Variants in CPNE4 observed in about 807,000 individuals in gnomAD.
CPNE4 encodes the protein copine 4.
Under a neutral mutation model 67.9 loss-of-function variants are expected in CPNE4, and 25 were observed. That is an observed-to-expected ratio of 0.37 (90% CI 0.27 to 0.51). The LOEUF (loss-of-function observed/expected upper bound fraction) is 0.51, where lower values mean the gene tolerates loss of function less well. Among genes scored for constraint, CPNE4 ranks in the 20% least tolerant of loss-of-function variants. The pLI is 0.93. For synonymous variants in CPNE4, 242 were observed against 244.9 expected (o/e 0.99, Z 0.11); for missense variants, 464 against 690.8 (o/e 0.67, Z 3.68).
At chr3:131,779,316 G>T (rs555765020) in intron 2 of CPNE4, among the ~76,000 whole-genome samples, 19 of 151,980 alleles carry the variant, frequency 1.3e-4, no homozygotes, top group African/African-American at 4.1e-4. Flanking sequence ...ATTTTTCACA[G>T]AATTAGATTT....
chr3:131,727,615 T>C (rs1185148868), intron 2 of CPNE4, among the ~76,000 whole-genome samples: 1 of 152,222 alleles, frequency 6.6e-6, no homozygotes, highest in Non-Finnish European at 1.5e-5. Flanking sequence ...CACATCTATT[T>C]AAAGTATATA....
At chr3:131,863,919 C>A (rs1456508887) in intron 2 of CPNE4, among the ~76,000 whole-genome samples, 2 of 152,200 alleles carry the variant, frequency 1.3e-5, no homozygotes, top group Admixed American at 6.5e-5. Flanking sequence ...CAGCTTTCTA[C>A]ATATAGCTAG....
Position 131,972,832 on chromosome 3 carries a change from A to T in CPNE4, c.-2+61735T>A, listed in dbSNP as rs1329682266. Among the ~76,000 whole-genome samples, 4 of 152,310 alleles carry T rather than the reference A, an allele frequency of 2.6e-5. No homozygotes were observed. In the East Asian group the frequency reaches 7.7e-4, roughly 29 times the overall value. On this transcript the variant is annotated intron_variant, in intron 1 of 15. Coordinates refer to ENST00000429747, the MANE Select transcript of CPNE4 (RefSeq NM_130808.3). ...CCTCCATAAATGGGAAGGCTGGACC[A>T]GATGTTCCCAGTGAACTTATCTCAG...
At chr3:131,556,534 G>A (rs1366080145) in intron 11 of CPNE4, among the ~76,000 whole-genome samples, 1 of 151,978 alleles carries the variant, frequency 6.6e-6, no homozygotes, top group African/African-American at 2.4e-5. Flanking sequence ...AAGAGACCCT[G>A]TCTTTGGTAT....
At chr3:131,889,283 A>T (rs1709292422) in intron 2 of CPNE4, among the ~76,000 whole-genome samples, 1 of 152,214 alleles carries the variant, frequency 6.6e-6, no homozygotes, top group South Asian at 2.1e-4. Flanking sequence ...CAGGGCTTAT[A>T]GCATCAGCCC....
chr3:131,935,749 T>C (rs7653254), intron 1 of CPNE4, among the ~76,000 whole-genome samples: 25,253 of 151,764 alleles, frequency 0.17, 2,491 homozygotes, highest in African/African-American at 0.28. Context: ...AAGGGATATC[T>C]TAGGAGTTCA....
chr3:131,812,954 A>T (rs1393869965), intron 2 of CPNE4, among the ~76,000 whole-genome samples: 1 of 152,242 alleles, frequency 6.6e-6, no homozygotes, highest in Non-Finnish European at 1.5e-5. Context: ...ATACTAAAAA[A>T]GTAGTTTTTA....
At chr3:131,846,685 C>A (rs2086009757) in intron 2 of CPNE4, among the ~76,000 whole-genome samples, 1 of 152,130 alleles carries the variant, frequency 6.6e-6, no homozygotes, top group Non-Finnish European at 1.5e-5. Flanking sequence ...GAACTCCTAC[C>A]CACACAGTAA....
chr3:131,966,665 A>C (rs1195579209), intron 1 of CPNE4, among the ~76,000 whole-genome samples: 1 of 152,192 alleles, frequency 6.6e-6, no homozygotes, highest in Non-Finnish European at 1.5e-5. Flanking sequence ...TCCCAAGACT[A>C]AACCAGGAAG....
At chr3:131,928,149 G>T (rs780296770) in intron 1 of CPNE4, among the ~76,000 whole-genome samples, 2 of 152,082 alleles carry the variant, frequency 1.3e-5, no homozygotes, top group Non-Finnish European at 2.9e-5. Context: ...AGAGAAACAG[G>T]AAGGATTATG....
At chr3:131,792,671 ACATATATACACACGTG>A (rs2083780286) in intron 2 of CPNE4, among the ~76,000 whole-genome samples, 1 of 41,660 alleles carries the variant, frequency 2.4e-5, no homozygotes, top group African/African-American at 7.2e-5. Flanking sequence ...GTGTATATAT[ACATATATACACACGTG>A]TATATATACA....
intron 2 of CPNE4, among the ~76,000 whole-genome samples, chr3:131,848,946 G>A: frequency 1.1e-5 from 1 of 90,346 alleles, no homozygotes; most frequent in African/African-American, 5.7e-5. Context: ...TGGAATGACA[G>A]TAGTGATTAC....
chr3:131,542,545 G>A lies in CPNE4; in HGVS notation c.1539+12C>T, dbSNP rs763859162. On this transcript the variant is annotated intron_variant, in intron 15 of 15. Transcript: ENST00000429747. Reference sequence around the variant, plus strand: ...TCTTCCATGAAAAGTGCCCCAATGTGTATATGCATACGTGTTTGAAGTTCC... The same window carrying A: ...TCTTCCATGAAAAGTGCCCCAATGTATATATGCATACGTGTTTGAAGTTCC... The A allele has an allele frequency of 3.2e-6, 5 of 1,580,976 alleles. No homozygotes were observed. The South Asian group carries it at 4.4e-5, about 14-fold the overall frequency.
At chr3:131,846,770 T>C (rs1325811225) in intron 2 of CPNE4, among the ~76,000 whole-genome samples, 1 of 152,208 alleles carries the variant, frequency 6.6e-6, no homozygotes, top group Non-Finnish European at 1.5e-5. Flanking sequence ...TCTTTTACAC[T>C]GGTAAACTGT....
Position 131,866,148 on chromosome 3 carries a change from G to A in CPNE4, c.180+39116C>T, listed in dbSNP as rs80355027. Among the ~76,000 whole-genome samples the A allele has an allele frequency of 3.1e-3, 465 of 152,328 alleles. 14 individuals are homozygous for A. The East Asian group carries it at 0.04, about 13-fold the overall frequency. ...CAAATTCTTCCACATACAGGATCTG[G>A]ATGGCACATCACAGTGCCCAAAATA... On this transcript the variant is annotated intron_variant, in intron 2 of 15. Coordinates refer to ENST00000429747, the MANE Select transcript of CPNE4 (RefSeq NM_130808.3).
intron 2 of CPNE4, among the ~76,000 whole-genome samples, chr3:131,746,840 C>T (rs1290228594): frequency 2.0e-5 from 3 of 152,048 alleles, no homozygotes; most frequent in Non-Finnish European, 4.4e-5. Flanking sequence ...TTTTAAGAAA[C>T]CTCTAAACTA....
At chr3:131,641,610 C>T (rs548921152) in intron 7 of CPNE4, among the ~76,000 whole-genome samples, 2 of 152,206 alleles carry the variant, frequency 1.3e-5, no homozygotes, top group East Asian at 1.9e-4. Flanking sequence ...TGTGGAGATT[C>T]CTTAAAGAAC....
intron 2 of CPNE4, among the ~76,000 whole-genome samples, chr3:131,751,513 T>A (rs370921108): frequency 3.5e-5 from 5 of 144,126 alleles, no homozygotes; most frequent in Admixed American, 2.1e-4. Flanking sequence ...ATACTTCTAT[T>A]TCTTTGCTGA....
At chr3:131,736,619 A>G (rs1390784616) in intron 2 of CPNE4, among the ~76,000 whole-genome samples, 1 of 151,370 alleles carries the variant, frequency 6.6e-6, no homozygotes, top group Non-Finnish European at 1.5e-5. Flanking sequence ...CTCAAAAAAA[A>G]AAAAAAAAAA....
Sources: gnomAD v4.1 joint callset for allele counts (sites outside exome capture counted in the v4.1 genomes callset) on GRCh38, gnomAD v4.1.1 for gene constraint, MANE v1.5 for transcripts, NCBI Gene and HGNC (gene_info 2026-07-23, HGNC 2026-07-21) for gene names.